The following TTN variants were observed in gnomAD, a reference collection of about 807,000 sequenced individuals.
TTN encodes the protein connectin.
In TTN, 1,525 loss-of-function variants were observed where a neutral mutation model predicts 3,223.0. That is an observed-to-expected ratio of 0.47 (90% CI 0.45 to 0.49). The LOEUF (loss-of-function observed/expected upper bound fraction) is 0.49, where lower values mean the gene tolerates loss of function less well. Ranked by LOEUF, TTN falls within the 20% of genes least tolerant of loss-of-function variation. TTN has a pLI of 0.00. For missense variants in TTN, 40,786 were observed against 43,424.0 expected (o/e 0.94, Z 5.40); for synonymous variants, 14,094 against 15,161.0 (o/e 0.93, Z 5.17).
rs975141016 is a variant in TTN at position 178,608,442 on chromosome 2, C to G, written c.52441G>C (p.Asp17481His). 1.9e-6 allele frequency: 3 copies of G among 1,606,780 alleles called. No individual in the cohort carries two copies. The African/African-American group carries it at 4.0e-5, about 21-fold the overall frequency. ...PDAPDKPIVEDVTSNSMLVKW... is the reference protein window; with the variant it reads ...PDAPDKPIVEHVTSNSMLVKW... ...ACTAGCATACTGTTGCTGGTAACAT[C>G]TTCCACAATGGGCTTATCTGGTGCA... is the stretch of plus-strand genomic sequence containing the variant. The change falls in exon 275 of 363, where the codon GAT (aspartate) becomes CAT (histidine). Residue 17481 changes from aspartate to histidine, a missense_variant. Coordinates refer to ENST00000589042, the MANE Select transcript of TTN (RefSeq NM_001267550.2).
In TTN at chr2:178,706,913, C is replaced by T. The variant is rs751875310; in HGVS notation, c.29083G>A (p.Asp9695Asn). 1.9e-6 allele frequency: 3 copies of T among 1,612,260 alleles called. No individual in the cohort carries two copies. Among genetic ancestry groups the T allele is most frequent in the Non-Finnish European group, 2.5e-6 (3 of 1,179,080 alleles). Residue 9695 changes from aspartate (D) to asparagine (N), a missense_variant, in exon 101 of 363, where the codon GAT (aspartate) becomes AAT (asparagine). Asp to Asn is a conservative substitution (Grantham distance 23). Transcript: ENST00000589042. ...TCTGACACAAAAAAGAGTCTTCCAT[C>T]TACCGCAGCTTTCTTGGTTGCTGGG... ...VAPATKKAAV[D>N]GRLFFVSEPQ...
Position 178,587,941 on chromosome 2 carries a change from G to A in TTN, c.63466C>T (p.Pro21156Ser). ...CAQNQVGIGR[P>S]AELKEAIKPK... The stretch of plus-strand genomic sequence containing the variant: ...TTGATAGCTTCCTTTAGCTCTGCAG[G>A]GCGCCCAATACCAACTTGGTTTTGG... Residue 21156 changes from proline to serine, a missense_variant, in exon 305 of 363, where the codon CCT becomes TCT. By Grantham distance (74) the Pro-to-Ser change is moderately conservative. Coordinates refer to ENST00000589042, the MANE Select transcript of TTN (RefSeq NM_001267550.2). The A allele has an allele frequency of 6.2e-7, 1 of 1,607,344 alleles. No individual in the cohort carries two copies. The highest frequency in any genetic ancestry group is 1.1e-5 in the South Asian group (1 of 90,382).
Position 178,704,295 on chromosome 2 carries a change from G to C in TTN, c.30075C>G (p.Gly10025=), listed in dbSNP as rs756458120. The change falls in exon 106 of 363, where the codon GGC becomes GGG. Residue 10025 remains glycine, a synonymous_variant. Coordinates refer to ENST00000589042, the MANE Select transcript of TTN (RefSeq NM_001267550.2). ...PNVKSEWFRN[G]RILKPQGRHK... The stretch of plus-strand genomic sequence containing the variant: ...GTCTACCTTGGGGTTTAAGGATTCT[G>C]CCATTTCTGAACCATTCAGATTTTA... 37 of 1,613,824 alleles carry C rather than the reference G, an allele frequency of 2.3e-5. No individual in the cohort carries two copies.
At chr2:178,792,346 T>A in intron 9 of TTN, 149 bp from the exon 10 acceptor site, 1 of 791,110 alleles carries the variant, frequency 1.3e-6, no homozygotes, top group Non-Finnish European at 1.9e-6. Context: ...CCCATGTTCA[T>A]AAATAAGATC....
Position 178,601,458 on chromosome 2 carries a change from G to T in TTN, c.55539C>A (p.Gly18513=), listed in dbSNP as rs2053433342. Residue 18513 remains glycine, a synonymous_variant, in exon 287 of 363, where the codon GGC becomes GGA. Transcript: ENST00000589042. ...PDDDGGDRIK[G]YVIEKRTIDG... is the part of the protein sequence containing the mutation. ...CAATAGTCCTCTTCTCAATAACATA[G>T]CCTTTGATCCTGTCTCCTCCATCGT... The T allele has an allele frequency of 6.2e-7, 1 of 1,612,836 alleles. No individual in the cohort carries two copies. The highest frequency in any genetic ancestry group is 1.3e-5 in the African/African-American group (1 of 74,814).
At chr2:178,592,298 G>C (rs1185292109) in intron 301 of TTN, 21 bp from the exon 302 acceptor site, 1 of 1,602,346 alleles carries the variant, frequency 6.2e-7, no homozygotes, top group Admixed American at 1.8e-5. Flanking sequence ...TTAAATAACA[G>C]TTTGATAAGT....
chr2:178,734,004 T>G, intron 52 of TTN, 112 bp from the exon 53 acceptor site: 1 of 1,044,854 alleles, frequency 9.6e-7, no homozygotes, highest in Non-Finnish European at 1.3e-6. Context: ...ATACTACTAT[T>G]TCATAGTGTT....
At position 178,566,353 on chromosome 2, in the gene TTN, G is replaced by GTCAAGT. The variant is rs1296839151; in HGVS notation, c.79773_79778dup (p.Glu26591_Leu26592dup). 2 of 1,613,516 alleles carry GTCAAGT rather than the reference G, an allele frequency of 1.2e-6. No individual in the cohort carries two copies. The highest frequency in any genetic ancestry group is 2.2e-5 in the South Asian group (2 of 91,076). Reference sequence around the variant, plus strand: ...TTCCTTTTCTTAATTCGGAGTCAAGGTCAAGTTCAGGTGCTTCAAGTTTAT... The same window carrying GTCAAGT: ...TTCCTTTTCTTAATTCGGAGTCAAGGTCAAGTTCAAGTTCAGGTGCTTCAAGTTTAT... On this transcript the variant is annotated inframe_insertion, in exon 326 of 363. Transcript: ENST00000589042.
Position 178,784,188 on chromosome 2 carries a change from G to A in TTN, c.2657C>T (p.Thr886Ile), listed in dbSNP as rs1438675906. 1.2e-6 allele frequency: 2 copies of A among 1,614,194 alleles called. No homozygotes were observed. Among genetic ancestry groups the A allele is most frequent in the African/African-American group, 1.3e-5 (1 of 75,062 alleles). ...AGCTTCACTCTTGTAAGTATCTGGT[G>A]TGTCAGCGAAGGGGAACTGTGGCAA... ...TPLPQFPFAD[T>I]PDTYKSEAGV... Residue 886 changes from threonine to isoleucine, a missense_variant, in exon 16 of 363, where the codon ACA (threonine) becomes ATA (isoleucine). By Grantham distance (89) the Thr-to-Ile change is moderately conservative (BLOSUM62 -1). Coordinates refer to ENST00000589042, the MANE Select transcript of TTN (RefSeq NM_001267550.2).
intron 263 of TTN, 147 bp downstream of exon 263, chr2:178,613,604 C>A: frequency 1.3e-6 from 1 of 785,280 alleles, no homozygotes; most frequent in Non-Finnish European, 1.9e-6. Context: ...TATAATTTTT[C>A]AAATTATGAG....
At position 178,598,853 on chromosome 2, in the gene TTN, G is replaced by T. The variant is rs879079168; in HGVS notation, c.56857C>A (p.Leu18953Ile). ...TLGVSYKVTG[L>I]IEGSDYQFRV... Reference sequence around the variant, plus strand: ...AATTGATAGTCGGAACCTTCAATAAGACCAGTCACTTTATAAGAAACACCC... The same window carrying T: ...AATTGATAGTCGGAACCTTCAATAATACCAGTCACTTTATAAGAAACACCC... Residue 18953 changes from leucine (L) to isoleucine (I), a missense_variant, in exon 291 of 363, where the codon CTT (leucine) becomes ATT (isoleucine). Transcript: ENST00000589042. 1 of 1,613,144 alleles carries T rather than the reference G, an allele frequency of 6.2e-7. No individual in the cohort carries two copies. The highest frequency in any genetic ancestry group is 1.3e-5 in the African/African-American group (1 of 74,850).
Position 178,721,969 on chromosome 2 carries a change from C to T in TTN, c.22694G>A (p.Cys7565Tyr). The change falls in exon 78 of 363, where the codon TGT becomes TAT. Residue 7565 changes from cysteine to tyrosine, a missense_variant. Physicochemically the swap from Cys to Tyr is radical, Grantham distance 194. Transcript: ENST00000589042. ...IRPGGNYTIT[C>Y]VGNTPHLRIL... ...TCTCAAATGAGGAGTGTTTCCCACA[C>T]ATGTGATTGTATAGTTTCCTCCAGG... 6.2e-7 allele frequency: 1 copy of T among 1,613,608 alleles called. No homozygotes were observed. The highest frequency in any genetic ancestry group is 1.1e-5 in the South Asian group (1 of 91,068).
Position 178,672,653 on chromosome 2 carries a change from C to A in TTN, c.34837G>T (p.Glu11613Ter), listed in dbSNP as rs766945794. ...GATGTACCTTTGGCTGGGGGTGCCT[C>A]TTTTTTCTGAACAGGAACAGGTACT... ...EKVPVPVQKK[E>*]APPAKVPEVP... The change falls in exon 153 of 363, where the codon GAG becomes TAG. Residue 11613 changes from glutamate (E) to a stop codon, truncating the protein, a stop_gained. Coordinates refer to ENST00000589042, the MANE Select transcript of TTN (RefSeq NM_001267550.2). LOFTEE classifies it high-confidence loss of function. The A allele has an allele frequency of 1.9e-6, 3 of 1,610,650 alleles. No homozygotes were observed. Among genetic ancestry groups the A allele is most frequent in the Admixed American group, 3.4e-5 (2 of 59,588 alleles).
At chr2:178,797,386 T>C (rs1381802955) in intron 6 of TTN, among the ~76,000 whole-genome samples, 2 of 152,142 alleles carry the variant, frequency 1.3e-5, no homozygotes, top group Non-Finnish European at 2.9e-5. Flanking sequence ...TTCACATGTT[T>C]ATTGGACTTT....
At chr2:178,637,145 GGATATA>G (rs2060542640) in intron 224 of TTN, among the ~76,000 whole-genome samples, 1 of 19,182 alleles carries the variant, frequency 5.2e-5, no homozygotes, top group Non-Finnish European at 1.2e-4. Flanking sequence ...AAATATAGTT[GGATATA>G]TATATATATA....
intron 47 of TTN, chr2:178,750,197 C>T (rs768096865): frequency 1.2e-6 from 2 of 1,613,076 alleles, no homozygotes; most frequent in Non-Finnish European, 1.7e-6. Flanking sequence ...TGGATGGGCG[C>T]CTTTTGCTTG....
chr2:178,714,541 T>C lies in TTN; in HGVS notation c.26233A>G (p.Ile8745Val), dbSNP rs901437058. ...PPRFVKKLSD[I>V]STVVGKEVQL... ...ACTTCTTTACCAACGACAGTAGATA[T>C]GTCACTGAGCTTCTTCACAAATCTT... Residue 8745 changes from isoleucine (I) to valine (V), a missense_variant, in exon 91 of 363, where the codon ATA becomes GTA. By Grantham distance (29) the Ile-to-Val change is conservative. Transcript: ENST00000589042. 2 of 1,611,368 alleles carry C rather than the reference T, an allele frequency of 1.2e-6. No individual in the cohort carries two copies. Among genetic ancestry groups the C allele is most frequent in the East Asian group, 2.2e-5 (1 of 44,816 alleles).
intron 1 of TTN, among the ~76,000 whole-genome samples, chr2:178,806,450 G>A (rs982472156): frequency 1.3e-5 from 2 of 152,156 alleles, no homozygotes; most frequent in African/African-American, 4.8e-5. Context: ...ACCCTTCTTA[G>A]TGTCAACATT....
chr2:178,536,910 G>T, intron 356 of TTN, 28 bp downstream of exon 356: 1 of 1,536,394 alleles, frequency 6.5e-7, no homozygotes, highest in Non-Finnish European at 8.8e-7. Context: ...TTTACCATAG[G>T]AAGATACAGA....
Sources: gnomAD v4.1 joint callset for allele counts (sites outside exome capture counted in the v4.1 genomes callset) on GRCh38, gnomAD v4.1.1 for gene constraint, MANE v1.5 for transcripts, NCBI Gene and HGNC (gene_info 2026-07-23, HGNC 2026-07-21) for gene names.